PTK6: variants seen among roughly 807,000 people sequenced by gnomAD.
PTK6 encodes the protein protein tyrosine kinase 6.
PTK6 carries 47 observed loss-of-function variants against 47.5 expected under a neutral mutation model. The ratio of observed to expected loss-of-function variants is 0.99; its 90% confidence interval spans 0.78 to 1.26. The LOEUF (loss-of-function observed/expected upper bound fraction) is 1.26, where lower values mean the gene tolerates loss of function less well. Ranked by LOEUF, PTK6 falls within the 50% of genes most tolerant of loss-of-function variation. The probability of loss-of-function intolerance (pLI) is 0.00; values close to 1 mark genes in which losing one functional copy is unlikely to be tolerated. For synonymous variants in PTK6, 287 were observed against 276.5 expected (o/e 1.04, Z -0.38); for missense variants, 618 against 625.3 (o/e 0.99, Z 0.12).
intron 5 of PTK6, among the ~76,000 whole-genome samples, chr20:63,532,086 G>A (rs114136448): frequency 0.021 from 3,186 of 152,262 alleles, 115 homozygotes; most frequent in African/African-American, 0.073. Context: ...GGAAATAATG[G>A]AACTTAGAGA....
intron 5 of PTK6, among the ~76,000 whole-genome samples, chr20:63,531,214 G>T (rs1302375527): frequency 1.3e-5 from 2 of 151,980 alleles, no homozygotes; most frequent in African/African-American, 4.8e-5. Flanking sequence ...GAGGTCAGGA[G>T]ATCGAGACCA....
At chr20:63,531,756 G>A (rs898839041) in intron 5 of PTK6, among the ~76,000 whole-genome samples, 14 of 152,356 alleles carry the variant, frequency 9.2e-5, no homozygotes, top group African/African-American at 3.4e-4. Flanking sequence ...TAGGCAGTGG[G>A]AACTCGAACA....
rs1402747429 is a variant in PTK6 at position 63,533,449 on chromosome 20, G to A, written c.670+102C>T. The A allele has an allele frequency of 2.3e-5, 32 of 1,367,840 alleles. No homozygotes were observed. The highest frequency in any genetic ancestry group is 1.2e-5 in the Non-Finnish European group (12 of 1,015,316). The allele number at this position is 1,367,840 out of a possible 1,614,324, so 84.7% of individuals were successfully genotyped here. On this transcript the variant is annotated intron_variant, in intron 4 of 7. Transcript: ENST00000542869. The surrounding 1 kb of genome is among the most constrained non-coding windows in gnomAD (Gnocchi z 4.0). ...AACCACTCTCGCATGGACGCTGTGGGTGCTGCTTGGGGCTCGAGGCCAGAG... is the reference window on the plus strand; with the variant it reads ...AACCACTCTCGCATGGACGCTGTGGATGCTGCTTGGGGCTCGAGGCCAGAG...
chr20:63,532,318 T>C (rs2082629309), intron 5 of PTK6, among the ~76,000 whole-genome samples: 1 of 140,742 alleles, frequency 7.1e-6, no homozygotes, highest in Non-Finnish European at 1.5e-5. Flanking sequence ...TGTGTGTGCA[T>C]GTGTATGTCT....
intron 1 of PTK6, 33 bp from the exon 2 acceptor site, chr20:63,535,092 T>TGGGCCCACCCCACGTGGACCC (rs1368025675): frequency 3.2e-6 from 5 of 1,567,992 alleles, no homozygotes; most frequent in African/African-American, 2.7e-5. Flanking sequence ...CACGCGGACC[T>TGGGCCCACCCCACGTGGACCC]GGGCCCACCC....
At chr20:63,531,732 A>G (rs1022184176) in intron 5 of PTK6, among the ~76,000 whole-genome samples, 7 of 152,222 alleles carry the variant, frequency 4.6e-5, no homozygotes, top group Non-Finnish European at 8.8e-5. Flanking sequence ...GAAGAGGCTC[A>G]TGACTGCGTG....
Position 63,534,948 on chromosome 20 carries a change from G to T in PTK6, c.342C>A (p.Tyr114Ter), listed in dbSNP as rs776639683. ...AGGCCGGGGCCGCACCCGACAGGAC[G>T]TAGTCGGCACTCGGCTTCTCGCTGA... ...IRVSEKPSADYVLSVRDTQAV... is the reference protein window; with the variant it reads ...IRVSEKPSAD Residue 114 changes from tyrosine (Y) to a stop codon, truncating the protein, a stop_gained, in exon 2 of 8, where the codon TAC becomes TAA. Transcript: ENST00000542869. LOFTEE classifies it high-confidence loss of function. The T allele has an allele frequency of 1.2e-6, 2 of 1,603,154 alleles. No individual in the cohort carries two copies. The highest frequency in any genetic ancestry group is 1.7e-4 in the Middle Eastern group (1 of 6,026).
rs1045050307 is a variant in PTK6, at chr20:63,530,699, G to A, written c.1014+47C>T. Reference sequence around the variant, plus strand: ...ACACACAGGAAGCCCCCAGCCCTCCGGCCACGCCCCGGCCACGACCCCAGC... The same window carrying A: ...ACACACAGGAAGCCCCCAGCCCTCCAGCCACGCCCCGGCCACGACCCCAGC... On this transcript the variant is annotated intron_variant, in intron 6 of 7. Transcript: ENST00000542869. The surrounding 1 kb of genome is among the most constrained non-coding windows in gnomAD (Gnocchi z 4.1). 7 of 1,596,042 alleles carry A rather than the reference G, an allele frequency of 4.4e-6. No individual in the cohort carries two copies. Among genetic ancestry groups the A allele is most frequent in the Admixed American group, 3.5e-5 (2 of 56,802 alleles).
rs1384934478 is a variant in PTK6 at position 63,534,162 on chromosome 20, G to C, written c.506C>G (p.Pro169Arg). 6.4e-7 allele frequency: 1 copy of C among 1,552,054 alleles called. No homozygotes were observed. Among genetic ancestry groups the C allele is most frequent in the East Asian group, 2.4e-5 (1 of 41,356 alleles). Reference sequence around the variant, plus strand: ...GGGCGGAGCGGCTACCTTCCGGCAGGGCGCGGCCAGCCGCAGGCCGTGGGA... The same window carrying C: ...GGGCGGAGCGGCTACCTTCCGGCAGCGCGCGGCCAGCCGCAGGCCGTGGGA... ...SLSHGLRLAA[P>R]CRKHEPEPLP... Residue 169 changes from proline (P) to arginine (R), a missense_variant, in exon 3 of 8, where the codon CCC becomes CGC. Coordinates refer to ENST00000542869, the MANE Select transcript of PTK6 (RefSeq NM_005975.4).
intron 1 of PTK6, 41 bp from the exon 2 acceptor site, chr20:63,535,100 C>A: frequency 6.4e-7 from 1 of 1,556,364 alleles, no homozygotes; most frequent in Non-Finnish European, 8.7e-7. Context: ...CCTGGGCCCA[C>A]CCCACGTGGA....
chr20:63,530,154 G>T lies in PTK6; in HGVS notation c.1092C>A (p.Tyr364Ter). 6.2e-7 allele frequency: 1 copy of T among 1,614,126 alleles called. No individual in the cohort carries two copies. The stretch of plus-strand genomic sequence containing the variant: ...AGGACCAGACGTCGGATTTGGTGGA[G>T]TAATGGCCTCGGGAGAGCGCTTCAG... The part of the protein sequence containing the change: ...TAPEALSRGH[Y>*]STKSDVWSFG... The change falls in exon 7 of 8, where the codon TAC (tyrosine) becomes TAA (stop). Residue 364 changes from tyrosine to a stop codon, truncating the protein, a stop_gained. Transcript: ENST00000542869. LOFTEE classifies it high-confidence loss of function. The surrounding 1 kb of genome is among the most constrained non-coding windows in gnomAD (Gnocchi z 4.1).
At chr20:63,534,867 C>G (rs1448928657) in intron 2 of PTK6, 71 bp downstream of exon 2, 1 of 1,514,502 alleles carries the variant, frequency 6.6e-7, no homozygotes, top group South Asian at 1.2e-5. Flanking sequence ...GCCGGGTTCA[C>G]CACGTGGCTG....
intron 5 of PTK6, among the ~76,000 whole-genome samples, chr20:63,532,272 CTG>C (rs753034107): frequency 6.0e-5 from 7 of 117,274 alleles, no homozygotes; most frequent in African/African-American, 1.6e-4. Flanking sequence ...ATGTGTATGT[CTG>C]TGTGTGTCAT....
At position 63,530,214 on chromosome 20, in the gene PTK6, G is replaced by A; in HGVS notation, c.1032C>T (p.Ser344=). The change falls in exon 7 of 8, where the codon TCC becomes TCT. Residue 344 remains serine, a synonymous_variant. Transcript: ENST00000542869. The surrounding 1 kb of genome is among the most constrained non-coding windows in gnomAD (Gnocchi z 4.1). ...ARLIKEDVYL[S]HDHNIPYKWT... ...ACTTGTAGGGGATATTGTGGTCATG[G>A]GAGAGGTAGACGTCCTCCTGCAATC... 6.2e-7 allele frequency: 1 copy of A among 1,614,028 alleles called. No individual in the cohort carries two copies. The highest frequency in any genetic ancestry group is 2.2e-5 in the East Asian group (1 of 44,876).
chr20:63,535,404 G>A (rs2082656750), intron 1 of PTK6, among the ~76,000 whole-genome samples: 1 of 143,292 alleles, frequency 7.0e-6, no homozygotes, highest in Non-Finnish European at 1.5e-5. Context: ...TGTGACGCAC[G>A]CTCACACACA....
chr20:63,531,403 A>T, intron 5 of PTK6, among the ~76,000 whole-genome samples: 1 of 137,724 alleles, frequency 7.3e-6, no homozygotes, highest in African/African-American at 2.8e-5. Flanking sequence ...CCTGGGCGAC[A>T]GAGCCAGACT....
Position 63,528,131 on chromosome 20 carries a change from A to C in PTK6, c.*1405T>G, listed in dbSNP as rs911797344. On this transcript the variant is annotated 3_prime_UTR_variant, in exon 8 of 8. Transcript: ENST00000542869. ...ATAACATTGCACCAGATTTCTAGGA[A>C]TAGCATGTGAGATAGGATATATATC... 6.6e-6 allele frequency: 1 copy of C among 152,210 alleles called. No homozygotes were observed. Among genetic ancestry groups the C allele is most frequent in the Non-Finnish European group, 1.5e-5 (1 of 68,044 alleles). The allele number at this position is 152,210 out of a possible 1,614,324, so 9.4% of individuals were successfully genotyped here.
intron 5 of PTK6, among the ~76,000 whole-genome samples, chr20:63,531,914 G>A (rs9680013): frequency 5.3e-5 from 8 of 152,094 alleles, no homozygotes; most frequent in African/African-American, 9.7e-5. Flanking sequence ...CGCTCAGAGC[G>A]CAAACGTGCG....
Position 63,529,179 on chromosome 20 carries a change from C to G in PTK6, c.*357G>C, listed in dbSNP as rs551592892. On this transcript the variant is annotated 3_prime_UTR_variant, in exon 8 of 8. Transcript: ENST00000542869. The surrounding 1 kb of genome is among the most constrained non-coding windows in gnomAD (Gnocchi z 5.6). ...TCCCACCAAGCTGAACTGGGAAGAGCAGGAACAAGGCGTGTTTGCCTCCCA... is the reference window on the plus strand; with the variant it reads ...TCCCACCAAGCTGAACTGGGAAGAGGAGGAACAAGGCGTGTTTGCCTCCCA... 59 of 191,086 alleles carry G rather than the reference C, an allele frequency of 3.1e-4. No homozygotes were observed. Among genetic ancestry groups the G allele is most frequent in the African/African-American group, 1.4e-3 (59 of 42,996 alleles). 11.8% of individuals were successfully genotyped at this position (191,086 alleles called of 1,614,324 possible).
Sources: allele counts gnomAD v4.1 joint callset (sites outside exome capture counted in the v4.1 genomes callset), GRCh38; gene constraint gnomAD v4.1.1; non-coding constraint Gnocchi (gnomAD v3.1); transcripts MANE v1.5; gene names NCBI Gene and HGNC (gene_info 2026-07-23, HGNC 2026-07-21).